The following DLGAP2 variants were observed in gnomAD, a reference collection of about 807,000 sequenced individuals.
The protein encoded by DLGAP2 is DLG associated protein 2, also known as disks large-associated protein 2.
Under a neutral mutation model 100.3 loss-of-function variants are expected in DLGAP2, and 26 were observed. That is an observed-to-expected ratio of 0.26 (90% CI 0.19 to 0.36). DLGAP2 has a LOEUF of 0.36. Among genes scored for constraint, DLGAP2 ranks in the 10% least tolerant of loss-of-function variants. The pLI is 1.00. For missense variants in DLGAP2, 1,858 were observed against 1,453.2 expected (o/e 1.28, Z -4.53); for synonymous variants, 886 against 630.1 (o/e 1.41, Z -6.08).
intron 3 of DLGAP2, among the ~76,000 whole-genome samples, chr8:1,470,003 G>A (rs201512440): frequency 0.017 from 2,536 of 148,956 alleles, 90 homozygotes; most frequent in African/African-American, 0.059. Flanking sequence ...AAAAAAAAAA[G>A]AAAAAAAAAT....
chr8:1,392,774 C>G (rs13271896), intron 3 of DLGAP2, among the ~76,000 whole-genome samples: 41,326 of 151,360 alleles, frequency 0.27, 5,741 homozygotes, highest in Middle Eastern at 0.35. Context: ...GGGCTGTGTT[C>G]TTTCTTCGGG....
intron 3 of DLGAP2, among the ~76,000 whole-genome samples, chr8:1,288,535 G>A (rs1799989688): frequency 1.1e-5 from 1 of 88,120 alleles, no homozygotes; most frequent in East Asian, 3.4e-4. Context: ...ACTAGTTTCA[G>A]TTGAGTGTGT....
chr8:1,161,669 C>T (rs1190578165), intron 2 of DLGAP2, among the ~76,000 whole-genome samples: 3 of 152,186 alleles, frequency 2.0e-5, no homozygotes, highest in Non-Finnish European at 4.4e-5. Context: ...GAAATGGAGC[C>T]TACCTAGGGC....
chr8:951,722 G>A (rs1799484593), intron 2 of DLGAP2, among the ~76,000 whole-genome samples: 1 of 152,186 alleles, frequency 6.6e-6, no homozygotes, highest in Non-Finnish European at 1.5e-5. Context: ...TTAGAGCATC[G>A]TCATTCAGAC....
chr8:1,339,421 G>A (rs369663909), intron 3 of DLGAP2, among the ~76,000 whole-genome samples: 1 of 152,204 alleles, frequency 6.6e-6, no homozygotes, highest in East Asian at 1.9e-4. Context: ...TGAGGCATCA[G>A]CAAGAAGGTG....
At chr8:1,266,124 A>T (rs1490664292) in intron 3 of DLGAP2, among the ~76,000 whole-genome samples, 1 of 152,262 alleles carries the variant, frequency 6.6e-6, no homozygotes, top group African/African-American at 2.4e-5. Context: ...CAGGAAAAGC[A>T]GAGACGCTCT....
At chr8:1,270,948 C>G (rs1461908643) in intron 3 of DLGAP2, among the ~76,000 whole-genome samples, 4 of 152,174 alleles carry the variant, frequency 2.6e-5, no homozygotes, top group Non-Finnish European at 5.9e-5. Flanking sequence ...CTTAGTAAAA[C>G]TGTTTCTTAT....
intron 2 of DLGAP2, among the ~76,000 whole-genome samples, chr8:1,130,703 C>T (rs962636494): frequency 6.6e-6 from 1 of 152,240 alleles, no homozygotes; most frequent in Admixed American, 6.5e-5. Flanking sequence ...GCCTCTTCCT[C>T]CCAGGCAGGG....
chr8:1,575,517 G>A (rs1185486953), intron 6 of DLGAP2, among the ~76,000 whole-genome samples: 2 of 149,114 alleles, frequency 1.3e-5, no homozygotes, highest in Non-Finnish European at 3.0e-5. Flanking sequence ...TGTGCACAAT[G>A]TGCAGGTTTG....
intron 2 of DLGAP2, among the ~76,000 whole-genome samples, chr8:1,250,795 T>C (rs1277519247): frequency 6.6e-6 from 1 of 152,168 alleles, no homozygotes; most frequent in African/African-American, 2.4e-5. Context: ...TACACACGAT[T>C]TATTAATTAA....
intron 3 of DLGAP2, among the ~76,000 whole-genome samples, chr8:1,284,021 A>G (rs1039368453): frequency 1.3e-5 from 2 of 152,220 alleles, no homozygotes; most frequent in Non-Finnish European, 2.9e-5. Flanking sequence ...TCTTTTATAG[A>G]GTCCAAATTT....
intron 3 of DLGAP2, among the ~76,000 whole-genome samples, chr8:1,370,052 C>T (rs115077328): frequency 0.013 from 2,050 of 152,222 alleles, 40 homozygotes; most frequent in African/African-American, 0.047. Context: ...GTCCAGCCCC[C>T]ATTGGCCATT....
At chr8:1,294,391 G>A (rs1800125135) in intron 3 of DLGAP2, among the ~76,000 whole-genome samples, 1 of 152,190 alleles carries the variant, frequency 6.6e-6, no homozygotes, top group Non-Finnish European at 1.5e-5. Flanking sequence ...TGGTGAGGTT[G>A]TTTTGGTGTC....
intron 2 of DLGAP2, among the ~76,000 whole-genome samples, chr8:1,000,405 T>C (rs990357615): frequency 1.3e-5 from 2 of 151,432 alleles, no homozygotes; most frequent in African/African-American, 4.9e-5. Flanking sequence ...TGGTTTTCTT[T>C]TGCACCGGAT....
chr8:1,618,000 A>G (rs779560820), intron 6 of DLGAP2, among the ~76,000 whole-genome samples: 1 of 152,230 alleles, frequency 6.6e-6, no homozygotes, highest in East Asian at 1.9e-4. Context: ...AAAAATGTCA[A>G]CATTAAGGGT....
intron 2 of DLGAP2, among the ~76,000 whole-genome samples, chr8:1,129,557 T>C (rs1314391909): frequency 6.6e-6 from 1 of 152,176 alleles, no homozygotes; most frequent in Admixed American, 6.5e-5. Flanking sequence ...GACGTTGATA[T>C]TATTTCGAGA....
intron 2 of DLGAP2, among the ~76,000 whole-genome samples, chr8:946,263 T>A (rs547295777): frequency 2.0e-5 from 3 of 151,330 alleles, no homozygotes; most frequent in African/African-American, 7.3e-5. Flanking sequence ...TAGTGCTGTT[T>A]CTTAGGTTTT....
intron 3 of DLGAP2, among the ~76,000 whole-genome samples, chr8:1,421,812 A>T (rs967890375): frequency 6.6e-6 from 1 of 151,974 alleles, no homozygotes; most frequent in African/African-American, 2.4e-5. Context: ...ATAAATACAA[A>T]AATTAGCCAG....
At chr8:1,048,350 C>T (rs757041516) in intron 2 of DLGAP2, among the ~76,000 whole-genome samples, 9 of 152,100 alleles carry the variant, frequency 5.9e-5, no homozygotes, top group Non-Finnish European at 1.2e-4. Flanking sequence ...CTAGTTCCAT[C>T]TGACTTCAAA....
Sources: allele counts gnomAD v4.1 joint callset (sites outside exome capture counted in the v4.1 genomes callset), GRCh38; gene constraint gnomAD v4.1.1; transcripts MANE v1.5; gene names NCBI Gene and HGNC (gene_info 2026-07-23, HGNC 2026-07-21).